The following CCDC33 variants were observed in gnomAD, a reference collection of about 807,000 sequenced individuals.
The protein encoded by CCDC33 is coiled-coil domain containing 33.
Under a neutral mutation model 91.9 loss-of-function variants are expected in CCDC33, and 94 were observed. The observed-to-expected ratio is 1.02, with a 90% CI of 0.87 to 1.21. The LOEUF is 1.21. Ranked by LOEUF, CCDC33 falls within the 50% of genes most tolerant of loss-of-function variation. The pLI is 0.00. For missense variants in CCDC33, 940 were observed against 935.5 expected (o/e 1.00, Z -0.06); for synonymous variants, 396 against 374.5 (o/e 1.06, Z -0.66).
chr15:74,310,550 A>G lies in CCDC33; in HGVS notation c.1290+14602A>G, dbSNP rs1046561173. On this transcript the variant is annotated intron_variant, in intron 11 of 18. Coordinates refer to ENST00000398814, the MANE Select transcript of CCDC33 (RefSeq NM_025055.5). ...GACTCCATCTCAAAAAAAAAAAAAA[A>G]AAAGAAATTTGAATTTTGAGACCGA... is the stretch of plus-strand genomic sequence containing the variant. 4.6e-5 allele frequency among the ~76,000 whole-genome samples: 7 copies of G among 151,248 alleles called. 1 individual carries two copies. Among genetic ancestry groups the G allele is most frequent in the African/African-American group, 7.4e-5 (3 of 40,694 alleles).
intron 2 of CCDC33, among the ~76,000 whole-genome samples, chr15:74,229,853 G>A (rs2074912715): frequency 6.6e-6 from 1 of 152,252 alleles, no homozygotes; most frequent in African/African-American, 2.4e-5. Flanking sequence ...CCGCCCTTGG[G>A]GAAGATAGAT....
At chr15:74,249,788 T>C (rs1251141002) in intron 2 of CCDC33, among the ~76,000 whole-genome samples, 2 of 152,192 alleles carry the variant, frequency 1.3e-5, no homozygotes, top group South Asian at 2.1e-4. Flanking sequence ...TCAATTTCGC[T>C]GTTCCCTGGG....
intron 2 of CCDC33, among the ~76,000 whole-genome samples, chr15:74,253,506 C>T (rs1266147887): frequency 2.0e-5 from 3 of 152,256 alleles, no homozygotes; most frequent in South Asian, 2.1e-4. Context: ...AAGGAGCTGC[C>T]CTGGAATCCC....
intron 1 of CCDC33, among the ~76,000 whole-genome samples, chr15:74,237,989 G>A (rs897343363): frequency 2.6e-5 from 4 of 151,978 alleles, no homozygotes; most frequent in Admixed American, 2.0e-4. Context: ...TTAGCTGGGT[G>A]TGTTGGTGCA....
At chr15:74,214,147 T>C (rs1172707781), upstream of CCDC33, among the ~76,000 whole-genome samples, 3 of 150,300 alleles carry the variant, frequency 2.0e-5, no homozygotes, top group Admixed American at 2.0e-4. Flanking sequence ...GCGGGGGAGG[T>C]TGAAAGGAGC....
At position 74,268,387 on chromosome 15, in the gene CCDC33, T is replaced by C. The variant is rs572128186; in HGVS notation, c.475T>C (p.Leu159=). The part of the protein sequence containing the change: ...KADEATAKTQ[L]YATVVRKSSF... ...CGATGAAGCCACTGCCAAGACCCAG[T>C]TGTACGCAACAGTCGTTCGGAAGAG... The change falls in exon 5 of 19, where the codon TTG becomes CTG. Residue 159 remains leucine, a synonymous_variant. Transcript: ENST00000398814. 12 of 1,613,862 alleles carry C rather than the reference T, an allele frequency of 7.4e-6. No homozygotes were observed. Among genetic ancestry groups the C allele is most frequent in the Admixed American group, 1.7e-5 (1 of 60,000 alleles).
At chr15:74,209,498 G>A in exon 2 of CCDC33, 1 of 1,494,430 alleles carries the variant, frequency 6.7e-7, no homozygotes, top group Non-Finnish European at 9.0e-7. Flanking sequence ...CCACAGCTAA[G>A]GGGAGTCATC....
At chr15:74,296,454 G>A (rs927589101) in intron 11 of CCDC33, among the ~76,000 whole-genome samples, 11 of 151,954 alleles carry the variant, frequency 7.2e-5, no homozygotes, top group Admixed American at 2.0e-4. Flanking sequence ...GAAAAACCCC[G>A]TCTCTACTAA....
chr15:74,300,677 G>A (rs2059777159), intron 11 of CCDC33: 1 of 152,252 alleles, frequency 6.6e-6, no homozygotes, highest in African/African-American at 2.4e-5. Context: ...CAGCTTAATA[G>A]GAAATTGAAC....
At chr15:74,249,445 GC>G in intron 2 of CCDC33, among the ~76,000 whole-genome samples, 1 of 151,936 alleles carries the variant, frequency 6.6e-6, no homozygotes, top group East Asian at 1.9e-4. Flanking sequence ...CTGAGATCAA[GC>G]AACTGCACTC....
chr15:74,297,895 A>G (rs968603459), intron 11 of CCDC33, among the ~76,000 whole-genome samples: 1 of 152,158 alleles, frequency 6.6e-6, no homozygotes, highest in African/African-American at 2.4e-5. Flanking sequence ...CCCCAAGCTA[A>G]GCCTCCACCT....
chr15:74,234,959 C>T (rs2075100406), upstream of CCDC33, among the ~76,000 whole-genome samples: 1 of 152,226 alleles, frequency 6.6e-6, no homozygotes, highest in Non-Finnish European at 1.5e-5. Flanking sequence ...GGCTCCCCAC[C>T]CCCTGAACCT....
exon 2 of CCDC33, chr15:74,209,395 C>G (rs1567204599): frequency 6.5e-7 from 1 of 1,535,672 alleles, no homozygotes; most frequent in South Asian, 1.2e-5. Context: ...CAGGGGGCCA[C>G]TGCCTGATGA....
intron 3 of CCDC33, among the ~76,000 whole-genome samples, chr15:74,262,935 C>G (rs561138109): frequency 6.6e-6 from 1 of 152,334 alleles, no homozygotes; most frequent in Non-Finnish European, 1.5e-5. Flanking sequence ...CCAGGAGGAG[C>G]AATGCTGCTC....
At chr15:74,241,825 A>G (rs932497777) in intron 1 of CCDC33, among the ~76,000 whole-genome samples, 30 of 152,338 alleles carry the variant, frequency 2.0e-4, no homozygotes, top group Admixed American at 1.9e-3. Flanking sequence ...GAACTGGATA[A>G]GGGATGTAGA....
At chr15:74,203,027 C>G in exon 1 of CCDC33, 1 of 986,006 alleles carries the variant, frequency 1.0e-6, no homozygotes, top group Non-Finnish European at 1.2e-6. Flanking sequence ...TGCCCCAGAG[C>G]TCCCAAGCCC....
chr15:74,208,028 C>T (rs528186691), intron 1 of CCDC33: 4 of 1,367,014 alleles, frequency 2.9e-6, no homozygotes, highest in Non-Finnish European at 3.8e-6. Flanking sequence ...TCTCATGCCC[C>T]CCTCACCAAC....
chr15:74,213,547 C>T (rs2074387797), upstream of CCDC33: 1 of 152,272 alleles, frequency 6.6e-6, no homozygotes, highest in African/African-American at 2.4e-5. Context: ...TACACCTTTC[C>T]TCCTATTCAC....
rs199673709 is a variant in CCDC33 at position 74,281,880 on chromosome 15, C to T, written c.1095+31C>T. On this transcript the variant is annotated intron_variant, in intron 10 of 18. Coordinates refer to ENST00000398814, the MANE Select transcript of CCDC33 (RefSeq NM_025055.5). The stretch of plus-strand genomic sequence containing the variant: ...GCTGTGGGCCAGGGGAGGGTCAGGG[C>T]CAGCAGGCACATGTCAGTGAGATCC... 8.6e-5 allele frequency: 136 copies of T among 1,585,596 alleles called. 1 individual carries two copies. In the East Asian group the frequency reaches 3.0e-3, roughly 34 times the overall value.
Sources: allele counts gnomAD v4.1 joint callset (sites outside exome capture counted in the v4.1 genomes callset), GRCh38; gene constraint gnomAD v4.1.1; transcripts MANE v1.5; gene names NCBI Gene and HGNC (gene_info 2026-07-23, HGNC 2026-07-21).